ZNF430: variants seen among roughly 807,000 people sequenced by gnomAD.
ZNF430 encodes zinc finger protein 430.
In ZNF430, 35 loss-of-function variants were observed where a neutral mutation model predicts 56.7. That is an observed-to-expected ratio of 0.62 (90% CI 0.47 to 0.82). The LOEUF (loss-of-function observed/expected upper bound fraction) is 0.82, where lower values mean the gene tolerates loss of function less well. Ranked by LOEUF, ZNF430 falls within the 40% of genes least tolerant of loss-of-function variation. The pLI is 0.00. For missense variants in ZNF430, 574 were observed against 661.0 expected, an observed-to-expected ratio of 0.87 and a Z score of 1.44; for synonymous variants, 212 against 224.3, an observed-to-expected ratio of 0.94 and a Z score of 0.49.
At chr19:21,023,755 A>G (rs117016975) in intron 2 of ZNF430, among the ~76,000 whole-genome samples, 4,124 of 152,236 alleles carry the variant, frequency 0.027, 71 homozygotes, top group Non-Finnish European at 0.038. Context: ...TGTGACAGTA[A>G]ACATCTCTGT....
chr19:21,035,611 T>A (rs1967985130), intron 4 of ZNF430: 1 of 215,116 alleles, frequency 4.6e-6, no homozygotes, highest in Non-Finnish European at 9.9e-6. Context: ...GTCTGTGAAT[T>A]TGAAGGAGCA....
At chr19:21,027,184 T>C (rs112732277) in intron 2 of ZNF430, among the ~76,000 whole-genome samples, 10 of 152,228 alleles carry the variant, frequency 6.6e-5, no homozygotes, top group African/African-American at 2.4e-4. Context: ...TCCAATTTTA[T>C]GTTGAATAGG....
intron 4 of ZNF430, among the ~76,000 whole-genome samples, chr19:21,051,536 C>T (rs939811323): frequency 2.0e-5 from 3 of 152,178 alleles, no homozygotes; most frequent in East Asian, 1.9e-4. Flanking sequence ...CTTTGTCACC[C>T]GGGCTGGAGT....
chr19:21,048,508 T>G (rs1041091740), intron 4 of ZNF430, among the ~76,000 whole-genome samples: 17 of 151,978 alleles, frequency 1.1e-4, no homozygotes, highest in Non-Finnish European at 2.2e-4. Flanking sequence ...GGGGTAAGGT[T>G]ATAGATTAAC....
intron 4 of ZNF430, among the ~76,000 whole-genome samples, chr19:21,037,308 G>A (rs1968019341): frequency 1.3e-5 from 2 of 151,850 alleles, no homozygotes; most frequent in African/African-American, 2.4e-5. Flanking sequence ...AGTAGAGAGA[G>A]GGTTTAACCA....
At chr19:21,037,014 A>C (rs966996442) in intron 4 of ZNF430, among the ~76,000 whole-genome samples, 3 of 152,054 alleles carry the variant, frequency 2.0e-5, no homozygotes, top group African/African-American at 7.2e-5. Flanking sequence ...AAAATATCCC[A>C]TATCAGTGGA....
intron 4 of ZNF430, among the ~76,000 whole-genome samples, chr19:21,039,379 G>A (rs73014854): frequency 0.071 from 10,377 of 146,622 alleles, 438 homozygotes; most frequent in Non-Finnish European, 0.086. Flanking sequence ...ATAGCCGTGA[G>A]CCACTACACT....
At position 21,058,304 on chromosome 19, in the gene ZNF430, C is replaced by G. The variant is rs1045956496; in HGVS notation, c.*283C>G. 2.9e-6 allele frequency: 1 copy of G among 340,950 alleles called. No individual in the cohort carries two copies. The highest frequency in any genetic ancestry group is 2.1e-5 in the African/African-American group (1 of 47,470). 21.1% of individuals were successfully genotyped at this position (340,950 alleles called of 1,614,324 possible). A position where few individuals can be genotyped will look rare whatever the true frequency, so the allele number is the denominator to read the frequency against. On this transcript the variant is annotated 3_prime_UTR_variant, in exon 5 of 5. Transcript: ENST00000261560. ...TACTAAAAATACAAAATTAGCCATG[C>G]GTAGTGGTGCATGCCTGTAATCCCA...
rs968137962 is a variant in ZNF430 at position 21,058,986 on chromosome 19, G to A, written c.*965G>A. 6.6e-6 allele frequency: 1 copy of A among 152,162 alleles called. No homozygotes were observed. 9.4% of individuals were successfully genotyped at this position (152,162 alleles called of 1,614,324 possible). On this transcript the variant is annotated 3_prime_UTR_variant, in exon 5 of 5. Coordinates refer to ENST00000261560, the MANE Select transcript of ZNF430 (RefSeq NM_025189.4). ...ACTAGAAGAAAACTCTGAAGTAGTT[G>A]CTCAAACTTTGTTCAACATCAGGGA... is the stretch of plus-strand genomic sequence containing the variant.
At chr19:21,046,336 A>AT (rs1968185879) in intron 4 of ZNF430, among the ~76,000 whole-genome samples, 1 of 145,586 alleles carries the variant, frequency 6.9e-6, no homozygotes, top group African/African-American at 2.5e-5. Context: ...AAAAAAAAAA[A>AT]GTTTAAGGTT....
chr19:21,040,022 G>T (rs1481807638), intron 4 of ZNF430, among the ~76,000 whole-genome samples: 1 of 152,026 alleles, frequency 6.6e-6, no homozygotes, highest in South Asian at 2.1e-4. Flanking sequence ...TTTTTTTGTA[G>T]TGACAGAGTC....
intron 4 of ZNF430, among the ~76,000 whole-genome samples, chr19:21,043,184 A>T (rs1490066787): frequency 6.6e-6 from 1 of 152,146 alleles, no homozygotes; most frequent in Non-Finnish European, 1.5e-5. Context: ...TTCATGATGA[A>T]ATCTTTGTCC....
At chr19:21,037,977 T>C (rs1410654402) in intron 4 of ZNF430, among the ~76,000 whole-genome samples, 3 of 152,194 alleles carry the variant, frequency 2.0e-5, no homozygotes, top group African/African-American at 7.2e-5. Context: ...TGACATGTAA[T>C]TTGGAAATAT....
chr19:21,034,102 T>A lies in ZNF430; in HGVS notation c.240T>A (p.Ser80=), dbSNP rs1568586080. 6.2e-7 allele frequency: 1 copy of A among 1,613,260 alleles called. No individual in the cohort carries two copies. Among genetic ancestry groups the A allele is most frequent in the Non-Finnish European group, 8.5e-7 (1 of 1,179,624 alleles). Residue 80 remains serine (S), a synonymous_variant, in exon 4 of 5, where the codon TCT becomes TCA. Transcript: ENST00000261560. ...TCAATAAAGCAGGTATTGCTGTTTC[T>A]AAGCCAGACCTGATCACCTGTCTAG... ...NLVFLAGIAV[S]KPDLITCLEQ... is the part of the protein sequence containing the mutation.
chr19:21,023,556 A>G (rs1031404075), intron 2 of ZNF430, among the ~76,000 whole-genome samples: 2 of 152,042 alleles, frequency 1.3e-5, no homozygotes, highest in African/African-American at 4.8e-5. Context: ...TGTGTTTTTT[A>G]TGGCTGGGTG....
intron 4 of ZNF430, among the ~76,000 whole-genome samples, chr19:21,046,970 C>G (rs1366364868): frequency 6.6e-6 from 1 of 152,114 alleles, no homozygotes; most frequent in Non-Finnish European, 1.5e-5. Context: ...TAAGGTACCC[C>G]AGTCAGTCAT....
rs1968426104 is a variant in ZNF430, at chr19:21,058,899, C to T, written c.*878C>T. On this transcript the variant is annotated 3_prime_UTR_variant, in exon 5 of 5. Transcript: ENST00000261560. ...GTATTTATTTTGAAGATGAACACTA[C>T]AAATGTGAAGAGGGTTGTAGTACCT... The T allele has an allele frequency of 6.6e-6, 1 of 152,154 alleles. No individual in the cohort carries two copies. The highest frequency in any genetic ancestry group is 1.5e-5 in the Non-Finnish European group (1 of 68,030). The allele number at this position is 152,154 out of a possible 1,614,324, so 9.4% of individuals were successfully genotyped here.
At chr19:21,049,121 C>G (rs1968235310) in intron 4 of ZNF430, among the ~76,000 whole-genome samples, 1 of 141,890 alleles carries the variant, frequency 7.0e-6, no homozygotes, top group South Asian at 2.2e-4. Context: ...TTGCAGTGAG[C>G]CGAGATTGCG....
chr19:21,024,607 G>A (rs959708374), intron 2 of ZNF430, among the ~76,000 whole-genome samples: 2 of 151,754 alleles, frequency 1.3e-5, no homozygotes, highest in Non-Finnish European at 2.9e-5. Context: ...GTGAAACCCC[G>A]TCTCTACTAA....
Sources: allele counts gnomAD v4.1 joint callset (sites outside exome capture counted in the v4.1 genomes callset), GRCh38; gene constraint gnomAD v4.1.1; transcripts MANE v1.5; gene names NCBI Gene and HGNC (gene_info 2026-07-23, HGNC 2026-07-21).